Variants in TG observed in about 807,000 individuals in gnomAD.
The protein encoded by TG is thyroglobulin, also known as thyroid hormones.
In TG, 270 loss-of-function variants were observed where a neutral mutation model predicts 324.7. The observed-to-expected ratio is 0.83, with a 90% CI of 0.75 to 0.92. The LOEUF (loss-of-function observed/expected upper bound fraction) is 0.92. Among genes scored for constraint, TG ranks in the 40% least tolerant of loss-of-function variants. The pLI is 0.00. For missense variants in TG, 3,591 were observed against 3,456.4 expected (o/e 1.04, Z -0.98); for synonymous variants, 1,401 against 1,327.0 (o/e 1.06, Z -1.21).
At chr8:132,941,088 C>T (rs1824377326) in intron 25 of TG, among the ~76,000 whole-genome samples, 1 of 152,236 alleles carries the variant, frequency 6.6e-6, no homozygotes, top group Non-Finnish European at 1.5e-5. Context: ...ATTTTCTACA[C>T]ATACCCTTTG....
chr8:132,969,445 T>C lies in TG; in HGVS notation c.5864-13T>C. On this transcript the variant is annotated splice_polypyrimidine_tract_variant and intron_variant, in intron 31 of 47. Coordinates refer to ENST00000220616, the MANE Select transcript of TG (RefSeq NM_003235.5). ...ATCTCTAAGTAATGTATTTTCTTTCTTCCTCTATGAAGTTATACTGGAAGA... is the reference window on the plus strand; with the variant it reads ...ATCTCTAAGTAATGTATTTTCTTTCCTCCTCTATGAAGTTATACTGGAAGA... The C allele has an allele frequency of 6.3e-7, 1 of 1,579,768 alleles. No homozygotes were observed.
chr8:132,935,968 G>A (rs551794624), intron 25 of TG, 104 bp downstream of exon 25: 24 of 848,522 alleles, frequency 2.8e-5, no homozygotes, highest in African/African-American at 1.2e-4. Context: ...AGACTGTCCC[G>A]CTCCCCACTC....
chr8:133,076,048 G>A (rs1588008015), intron 41 of TG: 1 of 152,138 alleles, frequency 6.6e-6, no homozygotes, highest in African/African-American at 2.4e-5. Flanking sequence ...GGCACATGGG[G>A]CTTCAGAGCT....
chr8:133,045,130 G>A, intron 41 of TG: 3 of 1,613,814 alleles, frequency 1.9e-6, no homozygotes, highest in South Asian at 2.2e-5. Context: ...AGGAGGTGGA[G>A]GATAAGTCAG....
At chr8:133,080,621 A>G (rs1845601778) in intron 41 of TG, among the ~76,000 whole-genome samples, 2 of 151,334 alleles carry the variant, frequency 1.3e-5, no homozygotes, top group African/African-American at 4.9e-5. Context: ...GAACCACTTC[A>G]CCCCTTTCCT....
chr8:133,073,777 C>T (rs564152452), intron 41 of TG, among the ~76,000 whole-genome samples: 87 of 152,214 alleles, frequency 5.7e-4, no homozygotes, highest in African/African-American at 2.0e-3. Context: ...CTCGCTGAGG[C>T]TCCCCCAACC....
intron 41 of TG, among the ~76,000 whole-genome samples, chr8:133,054,648 T>C (rs1005634406): frequency 6.6e-6 from 1 of 152,248 alleles, no homozygotes; most frequent in Admixed American, 6.5e-5. Flanking sequence ...TGCAAACTAG[T>C]AAACTTGATA....
intron 41 of TG, among the ~76,000 whole-genome samples, chr8:133,065,895 C>T (rs1458393743): frequency 2.6e-5 from 4 of 152,138 alleles, no homozygotes. Flanking sequence ...TCTTGGATGT[C>T]ACTTGGCAGT....
In TG at chr8:132,933,594, C is replaced by A; in HGVS notation, c.4850C>A (p.Thr1617Asn). The change falls in exon 24 of 48, where the codon ACC becomes AAC. Residue 1617 changes from threonine (T) to asparagine (N), a missense_variant. Thr to Asn is a moderately conservative substitution (Grantham distance 65). Transcript: ENST00000220616. ...GAGGACGAGGCCTGCAGCTTCTTCA[C>A]CGTGTCCACGACGGAGCCAGAGATT... ...CTEDEACSFF[T>N]VSTTEPEISC... The A allele has an allele frequency of 6.2e-7, 1 of 1,614,134 alleles. No individual in the cohort carries two copies. Among genetic ancestry groups the A allele is most frequent in the Non-Finnish European group, 8.5e-7 (1 of 1,180,022 alleles).
At chr8:133,026,755 C>G (rs543456142) in intron 40 of TG, among the ~76,000 whole-genome samples, 11 of 152,210 alleles carry the variant, frequency 7.2e-5, no homozygotes, top group Non-Finnish European at 1.5e-4. Context: ...GTCTGCTCTC[C>G]TCTCTACCCA....
chr8:132,905,217 T>C (rs1818504147), intron 16 of TG, among the ~76,000 whole-genome samples: 1 of 152,210 alleles, frequency 6.6e-6, no homozygotes, highest in African/African-American at 2.4e-5. Flanking sequence ...ACTAATTAAT[T>C]TGCTCTAGGA....
chr8:133,098,351 T>C (rs1007884049), intron 43 of TG, among the ~76,000 whole-genome samples: 1 of 152,230 alleles, frequency 6.6e-6, no homozygotes, highest in African/African-American at 2.4e-5. Context: ...AAAAGAATGT[T>C]AAAGCAAGAG....
chr8:132,886,814 G>T lies in TG; in HGVS notation c.1442G>T (p.Gly481Val), dbSNP rs1396144599. ...LFGGKFLVNV[G>V]QFNLSGALGT... Reference sequence around the variant, plus strand: ...GGAGGGAAATTTTTGGTGAATGTTGGCCAGTTTAACTTGTCTGGAGCCCTT... The same window carrying T: ...GGAGGGAAATTTTTGGTGAATGTTGTCCAGTTTAACTTGTCTGGAGCCCTT... The change falls in exon 9 of 48, where the codon GGC (glycine) becomes GTC (valine). Residue 481 changes from glycine to valine, a missense_variant. Gly to Val is a moderately radical substitution (Grantham distance 109). Coordinates refer to ENST00000220616, the MANE Select transcript of TG (RefSeq NM_003235.5). 1.2e-6 allele frequency: 2 copies of T among 1,614,138 alleles called. No individual in the cohort carries two copies. Among genetic ancestry groups the T allele is most frequent in the Non-Finnish European group, 1.7e-6 (2 of 1,180,034 alleles).
rs1564009232 is a variant in TG, at chr8:132,963,045, T to C, written c.5519T>C (p.Val1840Ala). Reference protein sequence around the residue: ...PESMGCRKDTVPRPASPTEAG... With the variant: ...PESMGCRKDTAPRPASPTEAG... ...TCTATGGGATGTAGAAAAGACACAG[T>C]GCCAAGGCCAGCATCTCCAACAGAA... Residue 1840 changes from valine to alanine, a missense_variant, in exon 29 of 48, where the codon GTG (valine) becomes GCG (alanine). Coordinates refer to ENST00000220616, the MANE Select transcript of TG (RefSeq NM_003235.5). The C allele has an allele frequency of 6.2e-7, 1 of 1,613,918 alleles. No homozygotes were observed. Among genetic ancestry groups the C allele is most frequent in the Non-Finnish European group, 8.5e-7 (1 of 1,179,924 alleles).
intron 26 of TG, among the ~76,000 whole-genome samples, chr8:132,947,986 G>A (rs1005872613): frequency 6.6e-6 from 1 of 152,122 alleles, no homozygotes; most frequent in African/African-American, 2.4e-5. Flanking sequence ...TTAAAATTCA[G>A]AGTCAGGAGA....
chr8:133,075,278 C>T (rs1844684830), intron 41 of TG: 1 of 277,102 alleles, frequency 3.6e-6, no homozygotes. Flanking sequence ...TCTTGTACAT[C>T]CCCAGAACTC....
intron 39 of TG, among the ~76,000 whole-genome samples, chr8:133,021,635 G>A (rs1296057289): frequency 6.6e-6 from 1 of 152,174 alleles, no homozygotes; most frequent in Non-Finnish European, 1.5e-5. Context: ...TTCCTTCAGA[G>A]GCTCCTCTCC....
At chr8:132,910,228 A>G (rs1466945707) in intron 18 of TG, among the ~76,000 whole-genome samples, 1 of 152,128 alleles carries the variant, frequency 6.6e-6, no homozygotes, top group African/African-American at 2.4e-5. Flanking sequence ...CTTCATATGC[A>G]TTGGACCCCT....
rs1820823886 is a variant in TG, at chr8:132,919,441, C to T, written c.4444C>T (p.Gln1482Ter). The T allele has an allele frequency of 6.2e-7, 1 of 1,614,092 alleles. No homozygotes were observed. The highest frequency in any genetic ancestry group is 8.5e-7 in the Non-Finnish European group (1 of 1,180,000). Residue 1482 changes from glutamine (Q) to a stop codon, truncating the protein, a stop_gained, in exon 21 of 48, where the codon CAA becomes TAA. Transcript: ENST00000220616. LOFTEE classifies it high-confidence loss of function. ...ECIPCPVGFYQEQAGSLACVP... is the reference protein window; with the variant it reads ...ECIPCPVGFY ...CATTCCTTGTCCTGTTGGATTCTAC[C>T]AAGAACAGGCAGGGAGCTTGGCCTG...
Sources: allele counts gnomAD v4.1 joint callset (sites outside exome capture counted in the v4.1 genomes callset), GRCh38; gene constraint gnomAD v4.1.1; transcripts MANE v1.5; gene names NCBI Gene and HGNC (gene_info 2026-07-23, HGNC 2026-07-21).